Variants in GFPT2 observed in about 807,000 individuals in gnomAD.
The protein encoded by GFPT2 is glutamine--fructose-6-phosphate aminotransferase [isomerizing] 2.
GFPT2 carries 62 observed loss-of-function variants against 85.6 expected under a neutral mutation model. The observed-to-expected ratio is 0.72, with a 90% CI of 0.59 to 0.90. The LOEUF is 0.90. GFPT2 is among the 40% of genes least tolerant of loss of function. The pLI, the probability that GFPT2 is intolerant of heterozygous loss-of-function variation, is 0.00. For synonymous variants in GFPT2, 368 were observed against 344.5 expected (o/e 1.07, Z -0.75); for missense variants, 788 against 893.4 (o/e 0.88, Z 1.50).
At chr5:180,309,842 A>G (rs2080959) in intron 15 of GFPT2, among the ~76,000 whole-genome samples, 98,950 of 149,900 alleles carry the variant, frequency 0.66, 32,952 homozygotes, top group East Asian at 0.84. Context: ...ATGGAGTATC[A>G]CTCTGTCACC....
chr5:180,337,392 G>A (rs1764422440), intron 2 of GFPT2, among the ~76,000 whole-genome samples: 1 of 151,136 alleles, frequency 6.6e-6, no homozygotes, highest in Non-Finnish European at 1.5e-5. Flanking sequence ...GGCGGAGCTT[G>A]CAGTGAGCTG....
chr5:180,339,110 T>C (rs1016679235), intron 1 of GFPT2, among the ~76,000 whole-genome samples: 1 of 152,062 alleles, frequency 6.6e-6, no homozygotes, highest in Non-Finnish European at 1.5e-5. Context: ...CCGGGGGCGG[T>C]GGCTCATGCC....
intron 10 of GFPT2, 63 bp from the exon 11 acceptor site, chr5:180,317,121 G>T: frequency 9.5e-7 from 1 of 1,050,004 alleles, no homozygotes; most frequent in Non-Finnish European, 1.5e-6. Flanking sequence ...TCATTATGCA[G>T]CAGCGATAGT....
intron 2 of GFPT2, 21 bp downstream of exon 2, chr5:180,338,472 G>A: frequency 7.1e-7 from 1 of 1,402,296 alleles, no homozygotes; most frequent in Non-Finnish European, 1.0e-6. Context: ...CCAGCCACGA[G>A]GCGGGCGGCC....
intron 7 of GFPT2, among the ~76,000 whole-genome samples, chr5:180,326,101 G>T (rs1033096200): frequency 1.3e-5 from 2 of 152,140 alleles, no homozygotes; most frequent in East Asian, 1.9e-4. Context: ...CTAATCCTTT[G>T]CTCATTCTTA....
intron 1 of GFPT2, chr5:180,352,401 C>G (rs540291072): frequency 2.2e-6 from 1 of 454,926 alleles, no homozygotes; most frequent in South Asian, 1.6e-5. Context: ...TCCCGGCTCT[C>G]TCCCGGCCAG....
intron 1 of GFPT2, among the ~76,000 whole-genome samples, chr5:180,347,485 G>A (rs562406252): frequency 3.3e-5 from 5 of 152,312 alleles, no homozygotes; most frequent in South Asian, 2.1e-4. Context: ...GAGAGGGACC[G>A]AGAAAAACTC....
intron 4 of GFPT2, among the ~76,000 whole-genome samples, chr5:180,335,085 A>T (rs913964718): frequency 6.6e-6 from 1 of 152,256 alleles, no homozygotes; most frequent in Non-Finnish European, 1.5e-5. Flanking sequence ...CACCAAGGAC[A>T]GCAGGTGCAG....
intron 16 of GFPT2, among the ~76,000 whole-genome samples, chr5:180,306,204 C>T (rs1189735007): frequency 1.3e-5 from 2 of 152,114 alleles, no homozygotes; most frequent in African/African-American, 4.8e-5. Context: ...AGGCTGGTCT[C>T]GAACTCCTGA....
At chr5:180,339,257 C>T (rs1304894716) in intron 1 of GFPT2, among the ~76,000 whole-genome samples, 1 of 151,744 alleles carries the variant, frequency 6.6e-6, no homozygotes, top group Non-Finnish European at 1.5e-5. Flanking sequence ...GTGTGTGCCT[C>T]TAACCCCAGC....
chr5:180,346,933 GA>G (rs1245053483), intron 1 of GFPT2, among the ~76,000 whole-genome samples: 1 of 152,330 alleles, frequency 6.6e-6, no homozygotes, highest in East Asian at 1.9e-4. Context: ...TTCTTTGGGG[GA>G]AAGTTTTCCC....
intron 14 of GFPT2, among the ~76,000 whole-genome samples, chr5:180,313,107 C>T (rs187218723): frequency 2.2e-4 from 33 of 151,528 alleles, no homozygotes; most frequent in African/African-American, 7.5e-4. Flanking sequence ...ACGGGGTTGC[C>T]CGGGGCGGTC....
intron 3 of GFPT2, 174 bp from the exon 4 acceptor site, chr5:180,336,127 T>C: frequency 1.7e-6 from 1 of 598,764 alleles, no homozygotes; most frequent in Non-Finnish European, 2.9e-6. Context: ...CTGAAGGTTA[T>C]TTACTACTTG....
intron 14 of GFPT2, among the ~76,000 whole-genome samples, chr5:180,312,926 G>A (rs187304540): frequency 0.012 from 1,812 of 152,168 alleles, 40 homozygotes; most frequent in African/African-American, 0.038. Context: ...ACAGGCACCC[G>A]CCACCACACC....
Position 180,312,490 on chromosome 5 carries a change from C to T in GFPT2, c.1486G>A (p.Asp496Asn). ...CTCCTGTTTTGTAGTGAAATTCGGTCTTCAGACATCATCAAACCAAACATC... is the reference window on the plus strand; with the variant it reads ...CTCCTGTTTTGTAGTGAAATTCGGTTTTCAGACATCATCAAACCAAACATC... ...LVMFGLMMSE[D>N]RISLQNRRQE... The change falls in exon 15 of 19, where the codon GAC becomes AAC. Residue 496 changes from aspartate (D) to asparagine (N), a missense_variant. Coordinates refer to ENST00000253778, the MANE Select transcript of GFPT2 (RefSeq NM_005110.4). The T allele has an allele frequency of 6.2e-7, 1 of 1,612,222 alleles. No individual in the cohort carries two copies. The highest frequency in any genetic ancestry group is 8.5e-7 in the Non-Finnish European group (1 of 1,178,264).
At chr5:180,314,706 C>T (rs538240482) in intron 13 of GFPT2, among the ~76,000 whole-genome samples, 30 of 152,278 alleles carry the variant, frequency 2.0e-4, no homozygotes, top group African/African-American at 7.0e-4. Context: ...CTCTGCTTTT[C>T]TTTCTTCAGA....
chr5:180,324,691 C>T (rs1287240479), intron 8 of GFPT2, 125 bp downstream of exon 8: 3 of 717,688 alleles, frequency 4.2e-6, no homozygotes, highest in Admixed American at 2.0e-5. Context: ...TGGAGCTGTG[C>T]GCCTGTTGGG....
chr5:180,351,729 C>T (rs1479655193), intron 1 of GFPT2, among the ~76,000 whole-genome samples: 1 of 152,056 alleles, frequency 6.6e-6, no homozygotes, highest in East Asian at 1.9e-4. Flanking sequence ...GAGGTAGAGC[C>T]CCCCCAAAGC....
chr5:180,305,581 G>A (rs1260476200), intron 16 of GFPT2, among the ~76,000 whole-genome samples: 4 of 152,234 alleles, frequency 2.6e-5, no homozygotes, highest in Non-Finnish European at 5.9e-5. Context: ...GCTCCAGTCT[G>A]GAGGCGCAGA....
Sources: gnomAD v4.1 joint callset for allele counts (sites outside exome capture counted in the v4.1 genomes callset) on GRCh38, gnomAD v4.1.1 for gene constraint, MANE v1.5 for transcripts, NCBI Gene and HGNC (gene_info 2026-07-23, HGNC 2026-07-21) for gene names.